The following EPHB1 variants were observed in gnomAD, a reference collection of about 807,000 sequenced individuals.
EPHB1 encodes the protein ephrin type-B receptor 1.
In EPHB1, 30 loss-of-function variants were observed where a neutral mutation model predicts 94.4. The observed-to-expected ratio is 0.32, with a 90% CI of 0.24 to 0.43. The LOEUF is 0.43. Among genes scored for constraint, EPHB1 ranks in the 20% least tolerant of loss-of-function variants. The probability of loss-of-function intolerance (pLI) is 1.00; values close to 1 mark genes in which losing one functional copy is unlikely to be tolerated. For missense variants in EPHB1, 1,055 were observed against 1,308.3 expected (o/e 0.81, Z 2.99); for synonymous variants, 522 against 489.1 (o/e 1.07, Z -0.89).
intron 12 of EPHB1, among the ~76,000 whole-genome samples, chr3:135,219,736 C>A (rs527314387): frequency 6.6e-6 from 1 of 152,198 alleles, no homozygotes; most frequent in Non-Finnish European, 1.5e-5. Flanking sequence ...GGGACTCCTC[C>A]GGTTTCTAAA....
At chr3:134,939,473 G>A (rs933182785) in intron 2 of EPHB1, among the ~76,000 whole-genome samples, 3 of 152,258 alleles carry the variant, frequency 2.0e-5, no homozygotes, top group African/African-American at 2.4e-5. Flanking sequence ...AGCCCTCAGG[G>A]GAGCCTTTGA....
intron 12 of EPHB1, 88 bp downstream of exon 12, chr3:135,201,777 G>A: frequency 2.3e-6 from 3 of 1,282,730 alleles, no homozygotes; most frequent in Non-Finnish European, 3.3e-6. Context: ...GGGCACACTG[G>A]GAGGGAATGG....
At chr3:134,948,206 C>T (rs975604256) in intron 2 of EPHB1, among the ~76,000 whole-genome samples, 1 of 152,046 alleles carries the variant, frequency 6.6e-6, no homozygotes, top group South Asian at 2.1e-4. Context: ...TGTGACCAGA[C>T]CCCCACTCTA....
At chr3:134,848,765 G>T (rs1197762814) in intron 1 of EPHB1, among the ~76,000 whole-genome samples, 1 of 152,178 alleles carries the variant, frequency 6.6e-6, no homozygotes, top group Non-Finnish European at 1.5e-5. Context: ...GATCCGGTAG[G>T]GGGAGGGTTT....
intron 3 of EPHB1, among the ~76,000 whole-genome samples, chr3:134,974,855 C>T (rs1046450332): frequency 1.0e-4 from 11 of 110,100 alleles, no homozygotes; most frequent in South Asian, 3.3e-4. Flanking sequence ...GTTTCCAGCA[C>T]GGGAGGGGCT....
At chr3:134,941,264 T>C (rs2039111053) in intron 2 of EPHB1, among the ~76,000 whole-genome samples, 1 of 151,574 alleles carries the variant, frequency 6.6e-6, no homozygotes, top group Admixed American at 6.6e-5. Flanking sequence ...CTCACCTTCA[T>C]TTTATAGTGG....
At chr3:134,861,257 A>G (rs977976816) in intron 1 of EPHB1, among the ~76,000 whole-genome samples, 1 of 152,234 alleles carries the variant, frequency 6.6e-6, no homozygotes, top group Admixed American at 6.5e-5. Context: ...GCCATTCAAG[A>G]GTTGTCAAGG....
At chr3:134,870,413 G>A (rs35580221) in intron 1 of EPHB1, among the ~76,000 whole-genome samples, 48,119 of 152,138 alleles carry the variant, frequency 0.32, 9,017 homozygotes, top group African/African-American at 0.53. Flanking sequence ...GCCCCAGATA[G>A]CAGAACAAAG....
intron 1 of EPHB1, among the ~76,000 whole-genome samples, chr3:134,819,564 A>G (rs887556191): frequency 2.0e-5 from 3 of 152,202 alleles, no homozygotes; most frequent in Non-Finnish European, 4.4e-5. Context: ...AAGGCTTGGT[A>G]TGTAGCAGAC....
chr3:134,899,977 A>G (rs1996242), intron 1 of EPHB1, among the ~76,000 whole-genome samples: 58,896 of 152,182 alleles, frequency 0.39, 13,705 homozygotes, highest in East Asian at 0.73. Flanking sequence ...GTTGTAGGAC[A>G]TGGACTATGG....
intron 3 of EPHB1, among the ~76,000 whole-genome samples, chr3:135,072,250 C>T (rs1275438871): frequency 2.0e-5 from 3 of 151,976 alleles, no homozygotes; most frequent in South Asian, 2.1e-4. Flanking sequence ...AGTGTGGTGG[C>T]GTGAGCACTA....
At chr3:134,877,482 C>T (rs906271592) in intron 1 of EPHB1, among the ~76,000 whole-genome samples, 5 of 152,162 alleles carry the variant, frequency 3.3e-5, no homozygotes, top group African/African-American at 1.2e-4. Flanking sequence ...CCTCCATATT[C>T]AACCAGTTGC....
chr3:134,827,278 T>C (rs1246149302), intron 1 of EPHB1, among the ~76,000 whole-genome samples: 1 of 152,256 alleles, frequency 6.6e-6, no homozygotes, highest in African/African-American at 2.4e-5. Flanking sequence ...GTGCTTCTTC[T>C]TCTCTATAAT....
At chr3:135,111,045 C>A (rs1227289803) in intron 4 of EPHB1, among the ~76,000 whole-genome samples, 1 of 152,120 alleles carries the variant, frequency 6.6e-6, no homozygotes, top group African/African-American at 2.4e-5. Context: ...AACAGAATGA[C>A]GTCCTCTGCA....
chr3:134,816,083 G>GT (rs71624054), intron 1 of EPHB1, among the ~76,000 whole-genome samples: 1,609 of 96,376 alleles, frequency 0.017, 50 homozygotes, highest in African/African-American at 0.055. Context: ...TTCTGTTTCT[G>GT]TTTTTTTTTT....
At chr3:135,217,456 ACACACACACACG>A (rs1379798722) in intron 12 of EPHB1, among the ~76,000 whole-genome samples, 4 of 146,450 alleles carry the variant, frequency 2.7e-5, no homozygotes, top group East Asian at 1.9e-4. Context: ...ACACACACAC[ACACACACACACG>A]CACACGGGGA....
chr3:134,935,541 C>T (rs955021300), intron 2 of EPHB1, among the ~76,000 whole-genome samples: 1 of 152,188 alleles, frequency 6.6e-6, no homozygotes, highest in African/African-American at 2.4e-5. Context: ...CTCTTTAAGT[C>T]CATATGCTGC....
chr3:135,137,913 G>C (rs144148129), intron 5 of EPHB1, among the ~76,000 whole-genome samples: 21 of 152,294 alleles, frequency 1.4e-4, no homozygotes, highest in Admixed American at 6.5e-4. Context: ...TCCAGTCTGT[G>C]CTGGGAGGGG....
intron 3 of EPHB1, among the ~76,000 whole-genome samples, chr3:135,023,659 G>C (rs944165965): frequency 2.6e-5 from 4 of 152,146 alleles, no homozygotes; most frequent in Admixed American, 2.0e-4. Flanking sequence ...GTGTGCCTCA[G>C]TTTATGTTTT....
Sources: allele counts gnomAD v4.1 joint callset (sites outside exome capture counted in the v4.1 genomes callset), GRCh38; gene constraint gnomAD v4.1.1; transcripts MANE v1.5; gene names NCBI Gene and HGNC (gene_info 2026-07-23, HGNC 2026-07-21).